Variants in MED28 observed in about 807,000 individuals in gnomAD.
MED28 encodes mediator of RNA polymerase II transcription subunit 28.
Under a neutral mutation model 21.3 loss-of-function variants are expected in MED28, and 26 were observed. The ratio of observed to expected loss-of-function variants is 1.22; its 90% CI spans 0.89 to 1.69. The LOEUF (loss-of-function observed/expected upper bound fraction) is 1.69. Among genes scored for constraint, MED28 ranks in the 40% most tolerant of loss-of-function variants. The probability of loss-of-function intolerance (pLI) is 0.00; values close to 1 mark genes in which losing one functional copy is unlikely to be tolerated. For synonymous variants in MED28, 110 were observed against 87.6 expected, an observed-to-expected ratio of 1.26 and a Z score of -1.43; for missense variants, 257 against 215.4, an observed-to-expected ratio of 1.19 and a Z score of -1.21.
rs1340408984 is a variant in MED28 at position 17,631,674 on chromosome 4, A to G, written c.*7876A>G. On this transcript the variant is annotated 3_prime_UTR_variant, in exon 4 of 4. Transcript: ENST00000237380. ...TTTAGAGGTGGGTGTTATCCCATCT[A>G]TAATCTGCTGCTTGTCTTAGACCAA... The G allele has an allele frequency of 1.3e-5, 2 of 152,198 alleles. No homozygotes were observed. The highest frequency in any genetic ancestry group is 2.9e-5 in the Non-Finnish European group (2 of 68,042). The allele number at this position is 152,198 out of a possible 1,614,324, so 9.4% of individuals were successfully genotyped here. A position where few individuals can be genotyped will look rare whatever the true frequency, so the allele number is the denominator to read the frequency against.
intron 3 of MED28, 122 bp downstream of exon 3, chr4:17,621,821 G>A (rs1173008346): frequency 1.9e-5 from 13 of 689,508 alleles, no homozygotes; most frequent in Non-Finnish European, 3.0e-5. Context: ...ATAGGTCAGT[G>A]TGAAATGTGG....
Position 17,632,442 on chromosome 4 carries a change from T to A in MED28, c.*8644T>A. 9.5e-7 allele frequency: 1 copy of A among 1,056,710 alleles called. No homozygotes were observed. 65.5% of individuals were successfully genotyped at this position (1,056,710 alleles called of 1,614,324 possible). ...ATATATAAATCATAAGCATATTATT[T>A]GGTTGGTTGGTGTTAGTTCATTCCT... is the stretch of plus-strand genomic sequence containing the variant. On this transcript the variant is annotated 3_prime_UTR_variant, in exon 4 of 4. Coordinates refer to ENST00000237380, the MANE Select transcript of MED28 (RefSeq NM_025205.5).
Position 17,632,411 on chromosome 4 carries a change from G to T in MED28, c.*8613G>T. 1 of 828,178 alleles carries T rather than the reference G, an allele frequency of 1.2e-6. No individual in the cohort carries two copies. The highest frequency in any genetic ancestry group is 1.8e-6 in the Non-Finnish European group (1 of 541,748). The allele number at this position is 828,178 out of a possible 1,614,324, so 51.3% of individuals were successfully genotyped here. ...AGTGTTAACGCCAAAATTTGTTTTA[G>T]CTATCATATATAAATCATAAGCATA... On this transcript the variant is annotated 3_prime_UTR_variant, in exon 4 of 4. Coordinates refer to ENST00000237380, the MANE Select transcript of MED28 (RefSeq NM_025205.5).
rs375191348 is a variant in MED28, at chr4:17,614,716, C to G, written c.62C>G (p.Pro21Arg). 528 of 1,614,244 alleles carry G rather than the reference C, an allele frequency of 3.3e-4. 1 individual carries two copies. The highest frequency in any genetic ancestry group is 4.1e-4 in the Non-Finnish European group (486 of 1,180,052). Residue 21 changes from proline (P) to arginine (R), a missense_variant, in exon 1 of 4, where the codon CCG becomes CGG. Pro to Arg is a moderately radical substitution (Grantham distance 103, BLOSUM62 -2). Coordinates refer to ENST00000237380, the MANE Select transcript of MED28 (RefSeq NM_025205.5). Reference protein sequence around the residue: ...GQPPGPPQAPPGLPGQASLLQ... With the variant: ...GQPPGPPQAPRGLPGQASLLQ... Reference sequence around the variant, plus strand: ...CCACCCGGTCCCCCTCAGGCCCCGCCGGGCCTTCCGGGCCAAGCTTCGCTT... The same window carrying G: ...CCACCCGGTCCCCCTCAGGCCCCGCGGGGCCTTCCGGGCCAAGCTTCGCTT...
At chr4:17,619,877 C>CT (rs1714566406) in intron 1 of MED28, 24 bp from the exon 2 acceptor site, 1 of 1,607,720 alleles carries the variant, frequency 6.2e-7, no homozygotes, top group East Asian at 2.2e-5. Flanking sequence ...ATATTTTTTT[C>CT]TTTCCTATGT....
chr4:17,632,326 C>G lies in MED28; in HGVS notation c.*8528C>G. On this transcript the variant is annotated 3_prime_UTR_variant, in exon 4 of 4. Transcript: ENST00000237380. The stretch of plus-strand genomic sequence containing the variant: ...CTGGACTCAAGCAGTCCATCTGCCT[C>G]AGCCTCCCAAAGTGATGGGATTACA... 1 of 382,618 alleles carries G rather than the reference C, an allele frequency of 2.6e-6. No homozygotes were observed. Among genetic ancestry groups the G allele is most frequent in the Non-Finnish European group, 4.8e-6 (1 of 206,214 alleles). 23.7% of individuals were successfully genotyped at this position (382,618 alleles called of 1,614,324 possible).
At position 17,626,893 on chromosome 4, in the gene MED28, TCCCAGAAGAACCTCTGCC is replaced by T. The variant is rs1714782830; in HGVS notation, c.*3096_*3113del. On this transcript the variant is annotated 3_prime_UTR_variant, in exon 4 of 4. Transcript: ENST00000237380. Reference sequence around the variant, plus strand: ...GACCTTTTCAGCCATTTGACATTCCTCCCAGAAGAACCTCTGCCTCCCAGAGGTTTAAGCAGTTCTCCT... The same window carrying T: ...GACCTTTTCAGCCATTTGACATTCCTTCCCAGAGGTTTAAGCAGTTCTCCT... 1 of 150,888 alleles carries T rather than the reference TCCCAGAAGAACCTCTGCC, an allele frequency of 6.6e-6. No homozygotes were observed. Among genetic ancestry groups the T allele is most frequent in the African/African-American group, 2.4e-5 (1 of 40,934 alleles). The allele number at this position is 150,888 out of a possible 1,614,324, so 9.3% of individuals were successfully genotyped here. A position where few individuals can be genotyped will look rare whatever the true frequency, so the allele number is the denominator to read the frequency against.
intron 1 of MED28, among the ~76,000 whole-genome samples, chr4:17,617,531 G>C (rs1714486037): frequency 6.6e-6 from 1 of 152,206 alleles, no homozygotes; most frequent in Non-Finnish European, 1.5e-5. Flanking sequence ...CTTGCTGAAA[G>C]CCAGCCGTTG....
At chr4:17,616,562 T>G (rs895376786) in intron 1 of MED28, among the ~76,000 whole-genome samples, 6 of 152,228 alleles carry the variant, frequency 3.9e-5, no homozygotes, top group Admixed American at 3.9e-4. Flanking sequence ...TCCTTCAGAC[T>G]CGTTTCCTTA....
chr4:17,633,926 C>CA lies in MED28; in HGVS notation c.*10134dup, dbSNP rs1715043186. ...ATGGACAGGTTAGTGCAATGCAATG[C>CA]AAAAAACAAAATAAAGCATTATTGT... On this transcript the variant is annotated 3_prime_UTR_variant, in exon 4 of 4. Transcript: ENST00000237380. The CA allele has an allele frequency of 6.9e-6, 9 of 1,305,278 alleles. No homozygotes were observed. Among genetic ancestry groups the CA allele is most frequent in the South Asian group, 3.7e-5 (2 of 53,582 alleles). 80.9% of individuals were successfully genotyped at this position (1,305,278 alleles called of 1,614,324 possible).
intron 2 of MED28, among the ~76,000 whole-genome samples, chr4:17,620,698 T>A (rs886947852): frequency 6.8e-6 from 1 of 147,256 alleles, no homozygotes; most frequent in African/African-American, 2.5e-5. Context: ...GTCTCTTTTT[T>A]TTTTTTTTTT....
At chr4:17,621,037 A>C (rs1714613889) in intron 2 of MED28, among the ~76,000 whole-genome samples, 2 of 67,688 alleles carry the variant, frequency 3.0e-5, no homozygotes, top group Non-Finnish European at 6.5e-5. Flanking sequence ...TTTTTTTGAG[A>C]CGGAGTCTCA....
intron 2 of MED28, among the ~76,000 whole-genome samples, chr4:17,621,194 A>G (rs1360284286): frequency 1.3e-5 from 2 of 151,604 alleles, no homozygotes; most frequent in Non-Finnish European, 2.9e-5. Context: ...TTGTATTTTT[A>G]GTAGAGATGG....
At position 17,632,859 on chromosome 4, in the gene MED28, C is replaced by A. The variant is rs142711891; in HGVS notation, c.*9061C>A. ...CACCATTGTTTGGTTCTCCATTGTTCCTTTGAGACTTAGTGGTTGTAGCTC... is the reference window on the plus strand; with the variant it reads ...CACCATTGTTTGGTTCTCCATTGTTACTTTGAGACTTAGTGGTTGTAGCTC... On this transcript the variant is annotated 3_prime_UTR_variant, in exon 4 of 4. Coordinates refer to ENST00000237380, the MANE Select transcript of MED28 (RefSeq NM_025205.5). The A allele has an allele frequency of 4.2e-5, 16 of 380,446 alleles. No homozygotes were observed. In the East Asian group the frequency reaches 7.4e-4, roughly 18 times the overall value. 23.6% of individuals were successfully genotyped at this position (380,446 alleles called of 1,614,324 possible). A position where few individuals can be genotyped will look rare whatever the true frequency, so the allele number is the denominator to read the frequency against.
rs1714929853 is a variant in MED28 at position 17,631,222 on chromosome 4, T to TATA, written c.*7424_*7425insATA. The stretch of plus-strand genomic sequence containing the variant: ...AGGTTCAGGGGATATATATATATAT[T>TATA]TTTTTAATCTGTAGAGATGGGATCT... On this transcript the variant is annotated 3_prime_UTR_variant, in exon 4 of 4. Coordinates refer to ENST00000237380, the MANE Select transcript of MED28 (RefSeq NM_025205.5). 6.6e-6 allele frequency: 1 copy of TATA among 152,092 alleles called. No individual in the cohort carries two copies. The highest frequency in any genetic ancestry group is 1.5e-5 in the Non-Finnish European group (1 of 68,016). The allele number at this position is 152,092 out of a possible 1,614,324, so 9.4% of individuals were successfully genotyped here. A position where few individuals can be genotyped will look rare whatever the true frequency, so the allele number is the denominator to read the frequency against.
At position 17,630,620 on chromosome 4, in the gene MED28, C is replaced by T. The variant is rs1160259819; in HGVS notation, c.*6822C>T. 5 of 152,082 alleles carry T rather than the reference C, an allele frequency of 3.3e-5. No homozygotes were observed. Among genetic ancestry groups the T allele is most frequent in the Admixed American group, 6.6e-5 (1 of 15,264 alleles). The allele number at this position is 152,082 out of a possible 1,614,324, so 9.4% of individuals were successfully genotyped here. On this transcript the variant is annotated 3_prime_UTR_variant, in exon 4 of 4. Transcript: ENST00000237380. ...CCTGAACGAACTAAGACACTCTAAGCGGGAAACTCACAAAAAATATTTGGT... is the reference window on the plus strand; with the variant it reads ...CCTGAACGAACTAAGACACTCTAAGTGGGAAACTCACAAAAAATATTTGGT...
chr4:17,615,768 C>G (rs765171817), intron 1 of MED28, among the ~76,000 whole-genome samples: 1 of 152,116 alleles, frequency 6.6e-6, no homozygotes, highest in Non-Finnish European at 1.5e-5. Flanking sequence ...GGAGACCGCG[C>G]CATTGCACTC....
At position 17,632,914 on chromosome 4, in the gene MED28, A is replaced by T. The variant is rs77156682; in HGVS notation, c.*9116A>T. 9.6e-4 allele frequency: 210 copies of T among 219,802 alleles called. 2 individuals carry two copies. The highest frequency in any genetic ancestry group is 4.7e-3 in the African/African-American group (207 of 44,432). The allele number at this position is 219,802 out of a possible 1,614,324, so 13.6% of individuals were successfully genotyped here. A position where few individuals can be genotyped will look rare whatever the true frequency, so the allele number is the denominator to read the frequency against. Reference sequence around the variant, plus strand: ...AATGCAGGATTAACCAAACCTACAGATCAAGAGACTTTGTTTTTATTTTTT... The same window carrying T: ...AATGCAGGATTAACCAAACCTACAGTTCAAGAGACTTTGTTTTTATTTTTT... On this transcript the variant is annotated 3_prime_UTR_variant, in exon 4 of 4. Coordinates refer to ENST00000237380, the MANE Select transcript of MED28 (RefSeq NM_025205.5).
chr4:17,633,668 T>C lies in MED28; in HGVS notation c.*9870T>C. On this transcript the variant is annotated 3_prime_UTR_variant, in exon 4 of 4. Coordinates refer to ENST00000237380, the MANE Select transcript of MED28 (RefSeq NM_025205.5). ...TACAGGGAAATAGAATAAGGGCCCC[T>C]GTCCCCAACATCCCCCAAACCTTGT... The C allele has an allele frequency of 6.7e-7, 1 of 1,489,816 alleles. No homozygotes were observed. Among genetic ancestry groups the C allele is most frequent in the Non-Finnish European group, 9.0e-7 (1 of 1,114,854 alleles). 92.3% of individuals were successfully genotyped at this position (1,489,816 alleles called of 1,614,324 possible). A position where few individuals can be genotyped will look rare whatever the true frequency, so the allele number is the denominator to read the frequency against.
Sources: allele counts gnomAD v4.1 joint callset (sites outside exome capture counted in the v4.1 genomes callset), GRCh38; gene constraint gnomAD v4.1.1; transcripts MANE v1.5; gene names NCBI Gene and HGNC (gene_info 2026-07-23, HGNC 2026-07-21).